KPNA3: variants seen among roughly 807,000 people sequenced by gnomAD.
The protein encoded by KPNA3 is karyopherin subunit alpha 3.
In KPNA3, 13 loss-of-function variants were observed where a neutral mutation model predicts 73.8. The ratio of observed to expected loss-of-function variants is 0.18; its 90% confidence interval spans 0.11 to 0.28. The LOEUF (loss-of-function observed/expected upper bound fraction) is 0.28, where lower values mean the gene tolerates loss of function less well. Ranked by LOEUF, KPNA3 falls within the 10% of genes least tolerant of loss-of-function variation. The pLI is 1.00. For synonymous variants in KPNA3, 186 were observed against 206.9 expected (o/e 0.90, Z 0.87); for missense variants, 360 against 618.1 (o/e 0.58, Z 4.43).
At chr13:49,737,550 AGTGTGTGTGTCTGTGTGT>A (rs1283657058) in intron 2 of KPNA3, among the ~76,000 whole-genome samples, 16 of 124,618 alleles carry the variant, frequency 1.3e-4, no homozygotes, top group East Asian at 7.0e-4. Flanking sequence ...CTTACTATTA[AGTGTGTGTGTCTGTGTGT>A]GTGTGTGTGT....
At chr13:49,714,834 A>G (rs140761260) in intron 10 of KPNA3, among the ~76,000 whole-genome samples, 189 of 152,212 alleles carry the variant, frequency 1.2e-3, no homozygotes, top group African/African-American at 4.5e-3. Flanking sequence ...TAAATTGAAC[A>G]AAAGCTAAAC....
intron 2 of KPNA3, among the ~76,000 whole-genome samples, chr13:49,743,175 CA>C (rs534532327): frequency 2.4e-3 from 366 of 152,166 alleles, no homozygotes; most frequent in Middle Eastern, 3.4e-3. Context: ...AGATGATATC[CA>C]CTAGTTTAAT....
At chr13:49,753,377 G>A (rs1045218257) in intron 1 of KPNA3, among the ~76,000 whole-genome samples, 8 of 152,098 alleles carry the variant, frequency 5.3e-5, no homozygotes, top group South Asian at 2.1e-4. Flanking sequence ...TATCCAGTCA[G>A]AACCACTAAA....
chr13:49,725,590 T>C, intron 6 of KPNA3, 89 bp from the exon 7 acceptor site: 1 of 772,266 alleles, frequency 1.3e-6, no homozygotes, highest in East Asian at 2.9e-5. Context: ...GGCTATTCTT[T>C]GCCTTGTCCT....
At chr13:49,707,222 G>C (rs1261676590) in intron 12 of KPNA3, among the ~76,000 whole-genome samples, 2 of 152,030 alleles carry the variant, frequency 1.3e-5, no homozygotes, top group African/African-American at 2.4e-5. Context: ...CTAAAACTAA[G>C]GGATTTATAA....
At chr13:49,788,407 A>G (rs1286618836) in intron 1 of KPNA3, among the ~76,000 whole-genome samples, 2 of 152,182 alleles carry the variant, frequency 1.3e-5, no homozygotes, top group African/African-American at 4.8e-5. Flanking sequence ...GCCTTACATG[A>G]AAAGGTCTAG....
intron 1 of KPNA3, among the ~76,000 whole-genome samples, chr13:49,762,163 C>A (rs74194273): frequency 2.0e-5 from 3 of 149,462 alleles, no homozygotes; most frequent in African/African-American, 7.4e-5. Flanking sequence ...TGGGGGGCAG[C>A]CCCCGCCCGG....
intron 1 of KPNA3, among the ~76,000 whole-genome samples, chr13:49,750,047 G>C (rs944608309): frequency 2.0e-5 from 3 of 152,122 alleles, no homozygotes; most frequent in Non-Finnish European, 4.4e-5. Flanking sequence ...AGTCCACTCT[G>C]TCTCTTAAGC....
chr13:49,791,613 T>G (rs1298506559), intron 1 of KPNA3, among the ~76,000 whole-genome samples: 1 of 152,218 alleles, frequency 6.6e-6, no homozygotes, highest in African/African-American at 2.4e-5. Context: ...CAATTTATTT[T>G]AGTAAAACGT....
chr13:49,714,971 G>A (rs1204981107), intron 10 of KPNA3, among the ~76,000 whole-genome samples: 3 of 151,884 alleles, frequency 2.0e-5, no homozygotes, highest in African/African-American at 7.3e-5. Flanking sequence ...AAGAATGCAA[G>A]GATGGTTCAA....
chr13:49,719,112 G>T (rs1426412594), intron 10 of KPNA3, among the ~76,000 whole-genome samples: 2 of 152,140 alleles, frequency 1.3e-5, no homozygotes, highest in East Asian at 3.9e-4. Context: ...GCATTTAGGA[G>T]AATTTTCAGA....
At chr13:49,738,067 T>A (rs1782221300) in intron 2 of KPNA3, among the ~76,000 whole-genome samples, 1 of 152,182 alleles carries the variant, frequency 6.6e-6, no homozygotes, top group African/African-American at 2.4e-5. Context: ...CTATAATCCA[T>A]TTTGTATTTT....
At chr13:49,768,682 T>C (rs561185051) in intron 1 of KPNA3, among the ~76,000 whole-genome samples, 5 of 151,368 alleles carry the variant, frequency 3.3e-5, no homozygotes, top group African/African-American at 1.2e-4. Context: ...ACTGTGACTT[T>C]AACTTAAAAC....
intron 1 of KPNA3, among the ~76,000 whole-genome samples, chr13:49,766,783 C>T (rs74076244): frequency 2.0e-5 from 3 of 152,120 alleles, no homozygotes; most frequent in African/African-American, 4.8e-5. Flanking sequence ...TATTAATAAA[C>T]CTAACATCAA....
intron 1 of KPNA3, among the ~76,000 whole-genome samples, chr13:49,757,605 G>A (rs188286937): frequency 6.6e-6 from 1 of 152,024 alleles, no homozygotes; most frequent in African/African-American, 2.4e-5. Context: ...CAGCACCTTT[G>A]GCCATTTCTT....
intron 15 of KPNA3, among the ~76,000 whole-genome samples, chr13:49,705,243 C>T (rs1047357264): frequency 9.9e-5 from 15 of 151,740 alleles, no homozygotes; most frequent in Non-Finnish European, 5.9e-5. Context: ...CCTGTAATCC[C>T]GGCTACCTGG....
Position 49,702,294 on chromosome 13 carries a change from T to C in KPNA3, c.1467+92A>G. On this transcript the variant is annotated intron_variant, in intron 16 of 16. Coordinates refer to ENST00000261667, the MANE Select transcript of KPNA3 (RefSeq NM_002267.4). Reference sequence around the variant, plus strand: ...AGAAATACAGTACAAACTTATGTCATCCTAATAATAAAAGGAAAACTCTTA... The same window carrying C: ...AGAAATACAGTACAAACTTATGTCACCCTAATAATAAAAGGAAAACTCTTA... 2.1e-5 allele frequency: 15 copies of C among 709,168 alleles called. No individual in the cohort carries two copies. The South Asian group carries it at 2.5e-4, about 12-fold the overall frequency. The allele number at this position is 709,168 out of a possible 1,614,324, so 43.9% of individuals were successfully genotyped here.
chr13:49,765,049 C>T (rs1007579747), intron 1 of KPNA3, among the ~76,000 whole-genome samples: 2 of 150,906 alleles, frequency 1.3e-5, no homozygotes, highest in African/African-American at 2.4e-5. Context: ...CTTCCTCCTT[C>T]ATCCATCCAT....
At chr13:49,724,246 G>A (rs776990668) in intron 7 of KPNA3, among the ~76,000 whole-genome samples, 3 of 151,900 alleles carry the variant, frequency 2.0e-5, no homozygotes, top group Non-Finnish European at 4.4e-5. Context: ...GTGTTTGTAT[G>A]AATATGTTTT....
Sources: allele counts gnomAD v4.1 joint callset (sites outside exome capture counted in the v4.1 genomes callset), GRCh38; gene constraint gnomAD v4.1.1; transcripts MANE v1.5; gene names NCBI Gene and HGNC (gene_info 2026-07-23, HGNC 2026-07-21).